SATB2: variants seen among roughly 807,000 people sequenced by gnomAD.
The protein encoded by SATB2 is DNA-binding protein SATB2.
SATB2 carries 1 observed loss-of-function variant against 73.4 expected under a neutral mutation model. The observed-to-expected ratio is 0.01, with a 90% CI of 0.00 to 0.06. The LOEUF (loss-of-function observed/expected upper bound fraction) is 0.06, where lower values mean the gene tolerates loss of function less well. SATB2 is among the 10% of genes least tolerant of loss of function. The pLI is 1.00. For synonymous variants in SATB2, 397 were observed against 367.0 expected, an observed-to-expected ratio of 1.08 and a Z score of -0.93; for missense variants, 459 against 945.8, an observed-to-expected ratio of 0.49 and a Z score of 6.75.
intron 6 of SATB2, among the ~76,000 whole-genome samples, chr2:199,354,144 G>C (rs1688904761): frequency 6.6e-6 from 1 of 152,142 alleles, no homozygotes; most frequent in Non-Finnish European, 1.5e-5. Context: ...GATCACTTGA[G>C]ATCAGGAGTT....
intron 3 of SATB2, among the ~76,000 whole-genome samples, chr2:199,423,413 C>T (rs1169743483): frequency 6.6e-6 from 1 of 151,958 alleles, no homozygotes; most frequent in Non-Finnish European, 1.5e-5. Flanking sequence ...CTTAGCTTTC[C>T]TTTCTGCAAA....
intron 2 of SATB2, among the ~76,000 whole-genome samples, chr2:199,442,584 T>C (rs931059153): frequency 6.6e-6 from 1 of 151,976 alleles, no homozygotes; most frequent in African/African-American, 2.4e-5. Context: ...ACAAAAAATG[T>C]TATAAGGACA....
intron 3 of SATB2, chr2:199,396,344 G>A (rs1388946979): frequency 6.6e-6 from 1 of 152,208 alleles, no homozygotes; most frequent in Non-Finnish European, 1.5e-5. Context: ...TCACCCAGGG[G>A]CACTCAAAAT....
At chr2:199,373,430 C>T (rs1056551419) in intron 5 of SATB2, among the ~76,000 whole-genome samples, 23 of 152,282 alleles carry the variant, frequency 1.5e-4, no homozygotes, top group African/African-American at 4.8e-4. Context: ...TCTCTGTCCC[C>T]ACTTCTGAGC....
At chr2:199,412,913 A>T (rs959688077) in intron 3 of SATB2, among the ~76,000 whole-genome samples, 2 of 152,230 alleles carry the variant, frequency 1.3e-5, no homozygotes, top group African/African-American at 4.8e-5. Context: ...GTCACATCAT[A>T]AATAATCCTG....
At chr2:199,414,354 A>G (rs73067550) in intron 3 of SATB2, among the ~76,000 whole-genome samples, 3,142 of 152,304 alleles carry the variant, frequency 0.021, 107 homozygotes, top group African/African-American at 0.071. Context: ...GTGCTCTCGT[A>G]GGCAAGGGCA....
chr2:199,435,246 T>G (rs1574626977), intron 2 of SATB2, among the ~76,000 whole-genome samples: 1 of 152,196 alleles, frequency 6.6e-6, no homozygotes, highest in African/African-American at 2.4e-5. Context: ...TAAGATATAT[T>G]TTTTAATTGT....
rs764552856 is a variant in SATB2 at position 199,348,814 on chromosome 2, T to C, written c.1060A>G (p.Thr354Ala). 2 of 1,613,196 alleles carry C rather than the reference T, an allele frequency of 1.2e-6. No individual in the cohort carries two copies. Among genetic ancestry groups the C allele is most frequent in the Non-Finnish European group, 8.5e-7 (1 of 1,179,164 alleles). ...GGAGAGACTTCCACGGAAGAGTTGG[T>C]TGGCTCTGGCTTAACTGCTCTGGGG... ...PIPRAVKPEP[T>A]NSSVEVSPDI... Residue 354 changes from threonine to alanine, a missense_variant, in exon 7 of 11, where the codon ACC becomes GCC. Physicochemically the swap from Thr to Ala is moderately conservative, Grantham distance 58 (BLOSUM62 0). Transcript: ENST00000417098.
chr2:199,406,033 C>G (rs1453651693), intron 3 of SATB2, among the ~76,000 whole-genome samples: 1 of 152,088 alleles, frequency 6.6e-6, no homozygotes, highest in South Asian at 2.1e-4. Flanking sequence ...ATAACACTTA[C>G]ATAGCATTTA....
At chr2:199,448,957 C>G (rs1230862906) in intron 2 of SATB2, among the ~76,000 whole-genome samples, 1 of 152,058 alleles carries the variant, frequency 6.6e-6, no homozygotes, top group Non-Finnish European at 1.5e-5. Flanking sequence ...ATATATTTCC[C>G]CAGAAGGTTT....
chr2:199,367,637 G>C (rs1267890547), intron 6 of SATB2, among the ~76,000 whole-genome samples: 1 of 152,030 alleles, frequency 6.6e-6, no homozygotes, highest in Non-Finnish European at 1.5e-5. Flanking sequence ...CCCTCCGATG[G>C]GGGCAGAGTA....
intron 3 of SATB2, among the ~76,000 whole-genome samples, chr2:199,424,455 A>G (rs1691268791): frequency 1.3e-5 from 2 of 152,204 alleles, no homozygotes; most frequent in Admixed American, 1.3e-4. Context: ...CTTATATGCT[A>G]AGCTATTTGA....
chr2:199,362,919 T>C (rs1559004122), intron 6 of SATB2, among the ~76,000 whole-genome samples: 1 of 152,220 alleles, frequency 6.6e-6, no homozygotes, highest in Admixed American at 6.5e-5. Flanking sequence ...CATCCTTTCT[T>C]AATGTCTATT....
chr2:199,380,585 G>A, intron 4 of SATB2, 98 bp from the exon 5 acceptor site: 1 of 1,458,200 alleles, frequency 6.9e-7, no homozygotes, highest in Non-Finnish European at 9.5e-7. Context: ...TCTTGTGGGA[G>A]CTTCAGAAGA....
At chr2:199,444,745 G>A (rs1293058562) in intron 2 of SATB2, among the ~76,000 whole-genome samples, 6 of 152,158 alleles carry the variant, frequency 3.9e-5, no homozygotes, top group African/African-American at 1.4e-4. Flanking sequence ...TATCACCCAA[G>A]AGGTAAGAGC....
intron 3 of SATB2, among the ~76,000 whole-genome samples, chr2:199,430,331 T>C (rs553140071): frequency 1.3e-5 from 2 of 152,214 alleles, no homozygotes; most frequent in African/African-American, 2.4e-5. Context: ...TCACGGCCCA[T>C]CATACATATA....
At chr2:199,283,534 A>G (rs1293796017) in intron 10 of SATB2, among the ~76,000 whole-genome samples, 1 of 148,894 alleles carries the variant, frequency 6.7e-6, no homozygotes, top group Non-Finnish European at 1.5e-5. Flanking sequence ...TGCAAATTTC[A>G]GCAAAGTCAA....
intron 7 of SATB2, among the ~76,000 whole-genome samples, chr2:199,345,617 G>A (rs1255342291): frequency 2.6e-5 from 4 of 152,096 alleles, no homozygotes; most frequent in Admixed American, 2.6e-4. Context: ...CCTGGTGTCA[G>A]TTCTATTCCT....
chr2:199,329,105 G>A (rs1027328771), intron 7 of SATB2, 195 bp from the exon 8 acceptor site: 1 of 640,776 alleles, frequency 1.6e-6, no homozygotes, highest in South Asian at 1.8e-5. Context: ...ATTATTTTAG[G>A]ACTGTTCTAT....
Sources: gnomAD v4.1 joint callset for allele counts (sites outside exome capture counted in the v4.1 genomes callset) on GRCh38, gnomAD v4.1.1 for gene constraint, MANE v1.5 for transcripts, NCBI Gene and HGNC (gene_info 2026-07-23, HGNC 2026-07-21) for gene names.